Variants in GATD1 observed in about 807,000 individuals in gnomAD.
GATD1 encodes glutamine amidotransferase-like class 1 domain-containing protein 1.
GATD1 carries 23 observed loss-of-function variants against 25.9 expected under a neutral mutation model. That is an observed-to-expected ratio of 0.89 (90% CI 0.64 to 1.26). The LOEUF is 1.26. GATD1 is among the 50% of genes most tolerant of loss of function. GATD1 has a pLI of 0.00. For missense variants in GATD1, 347 were observed against 312.5 expected (o/e 1.11, Z -0.83); for synonymous variants, 177 against 134.6 (o/e 1.31, Z -2.18).
At chr11:776,442 G>A (rs555221550) in intron 1 of GATD1, among the ~76,000 whole-genome samples, 1 of 151,976 alleles carries the variant, frequency 6.6e-6, no homozygotes, top group Non-Finnish European at 1.5e-5. Context: ...AAGACCCCAC[G>A]TCCTCAACAT....
rs1183921400 is a variant in GATD1 at position 769,791 on chromosome 11, GTT to G, written c.*1104_*1105del. The G allele has an allele frequency of 4.4e-6, 2 of 458,432 alleles. No homozygotes were observed. The highest frequency in any genetic ancestry group is 1.3e-4 in the Admixed American group (2 of 15,526). 28.4% of individuals were successfully genotyped at this position (458,432 alleles called of 1,614,324 possible). On this transcript the variant is annotated 3_prime_UTR_variant, in exon 8 of 8. Coordinates refer to ENST00000319863, the MANE Select transcript of GATD1 (RefSeq NM_182612.4). ...TGCCAGGCTAACTTTTTGTATTTTT[GTT>G]TTTTAGTAGAGATGGGGTTTCACCA...
At position 771,441 on chromosome 11, in the gene GATD1, TG is replaced by T; in HGVS notation, c.451-16del. ...CACACAGAGGGCTGCGGGAGCGGGG[TG>T]GGGGCTCCTGAGACAGGCCCAGGCC... is the stretch of plus-strand genomic sequence containing the variant. On this transcript the variant is annotated splice_polypyrimidine_tract_variant and intron_variant, in intron 5 of 7. Coordinates refer to ENST00000319863, the MANE Select transcript of GATD1 (RefSeq NM_182612.4). The T allele has an allele frequency of 2.0e-6, 3 of 1,515,084 alleles. No individual in the cohort carries two copies. Among genetic ancestry groups the T allele is most frequent in the Non-Finnish European group, 8.8e-7 (1 of 1,136,844 alleles). 93.9% of individuals were successfully genotyped at this position (1,515,084 alleles called of 1,614,324 possible). A position where few individuals can be genotyped will look rare whatever the true frequency, so the allele number is the denominator to read the frequency against.
Position 770,525 on chromosome 11 carries a change from CCA to C in GATD1, c.*370_*371del. On this transcript the variant is annotated 3_prime_UTR_variant, in exon 8 of 8. Transcript: ENST00000319863. ...GCAGACAGGCCACAGCAGGGCAAACCCACACAGAGGACCCCCGAGCCGACTCT... is the reference window on the plus strand; with the variant it reads ...GCAGACAGGCCACAGCAGGGCAAACCCACAGAGGACCCCCGAGCCGACTCT... 1 of 1,419,676 alleles carries C rather than the reference CCA, an allele frequency of 7.0e-7. No individual in the cohort carries two copies. The highest frequency in any genetic ancestry group is 9.2e-7 in the Non-Finnish European group (1 of 1,088,846). 87.9% of individuals were successfully genotyped at this position (1,419,676 alleles called of 1,614,324 possible). A position where few individuals can be genotyped will look rare whatever the true frequency, so the allele number is the denominator to read the frequency against.
At chr11:776,471 T>C (rs1017322842) in intron 1 of GATD1, among the ~76,000 whole-genome samples, 6 of 151,920 alleles carry the variant, frequency 3.9e-5, no homozygotes, top group African/African-American at 1.5e-4. Context: ...TCCTCACGCC[T>C]ACCTGCTCTG....
At chr11:772,175 T>C (rs1863510483) in intron 5 of GATD1, among the ~76,000 whole-genome samples, 1 of 141,784 alleles carries the variant, frequency 7.1e-6, no homozygotes, top group Non-Finnish European at 1.5e-5. Flanking sequence ...GGCCAGAGGT[T>C]CGGGAGCCTC....
chr11:775,468 G>A (rs1554962204), intron 1 of GATD1, among the ~76,000 whole-genome samples: 1 of 152,226 alleles, frequency 6.6e-6, no homozygotes, highest in Non-Finnish European at 1.5e-5. Flanking sequence ...GAAGCTGGGA[G>A]AGGATGCAGC....
rs774755865 is a variant in GATD1 at position 771,552 on chromosome 11, A to T, written c.451-126T>A. 2.1e-6 allele frequency: 3 copies of T among 1,421,850 alleles called. No homozygotes were observed. In the South Asian group the frequency reaches 4.6e-5, roughly 22 times the overall value. 88.1% of individuals were successfully genotyped at this position (1,421,850 alleles called of 1,614,324 possible). A position where few individuals can be genotyped will look rare whatever the true frequency, so the allele number is the denominator to read the frequency against. ...AGTGGGACCGGGGGTGTCACTGCTC[A>T]TAACAGGGACAGCTGCTAAGGCTGG... is the stretch of plus-strand genomic sequence containing the variant. On this transcript the variant is annotated intron_variant, in intron 5 of 7. Coordinates refer to ENST00000319863, the MANE Select transcript of GATD1 (RefSeq NM_182612.4).
chr11:771,279 G>T (rs568533957), intron 6 of GATD1, 54 bp downstream of exon 6: 1 of 1,585,704 alleles, frequency 6.3e-7, no homozygotes, highest in Non-Finnish European at 8.6e-7. Context: ...GGCTGCAGCA[G>T]GGAAGCCCCC....
At chr11:771,914 T>A (rs1400563271) in intron 5 of GATD1, among the ~76,000 whole-genome samples, 1 of 152,088 alleles carries the variant, frequency 6.6e-6, no homozygotes, top group Non-Finnish European at 1.5e-5. Context: ...CCTGTTTAAC[T>A]TCCAGTGAAA....
chr11:772,545 G>A (rs767905166), intron 4 of GATD1, 24 bp from the exon 5 acceptor site: 3 of 1,601,510 alleles, frequency 1.9e-6, no homozygotes, highest in Admixed American at 1.7e-5. Flanking sequence ...ATGGCGTTGA[G>A]GCCCTGGACC....
At chr11:775,171 C>G (rs375556142) in intron 1 of GATD1, 29 bp from the exon 2 acceptor site, 1 of 1,575,654 alleles carries the variant, frequency 6.3e-7, no homozygotes, top group South Asian at 1.2e-5. Context: ...AGTGTGGGCT[C>G]GACAGGACTA....
rs758080539 is a variant in GATD1, at chr11:771,317, C to T, written c.544+16G>A. 6.2e-7 allele frequency: 1 copy of T among 1,604,366 alleles called. No individual in the cohort carries two copies. Among genetic ancestry groups the T allele is most frequent in the South Asian group, 1.1e-5 (1 of 89,880 alleles). The stretch of plus-strand genomic sequence containing the variant: ...CCCCATCTTCTGTAAGTGCAGGGGG[C>T]ACCCTCGAGGCTCACCACTGAAGCA... On this transcript the variant is annotated intron_variant, in intron 6 of 7. Transcript: ENST00000319863.
intron 4 of GATD1, among the ~76,000 whole-genome samples, chr11:772,978 G>A (rs1863598314): frequency 6.6e-6 from 1 of 152,220 alleles, no homozygotes; most frequent in Non-Finnish European, 1.5e-5. Flanking sequence ...GGCTCCATCC[G>A]AAAGGCTGAG....
rs747173940 is a variant in GATD1 at position 771,439 on chromosome 11, G to A, written c.451-13C>T. 4.0e-6 allele frequency: 6 copies of A among 1,518,196 alleles called. No homozygotes were observed. Among genetic ancestry groups the A allele is most frequent in the Non-Finnish European group, 4.4e-6 (5 of 1,137,818 alleles). 94.0% of individuals were successfully genotyped at this position (1,518,196 alleles called of 1,614,324 possible). On this transcript the variant is annotated splice_polypyrimidine_tract_variant and intron_variant, in intron 5 of 7. Transcript: ENST00000319863. The stretch of plus-strand genomic sequence containing the variant: ...CACACACAGAGGGCTGCGGGAGCGG[G>A]GTGGGGGCTCCTGAGACAGGCCCAG...
intron 4 of GATD1, 43 bp downstream of exon 4, chr11:773,479 A>G: frequency 4.0e-6 from 6 of 1,501,448 alleles, no homozygotes; most frequent in Non-Finnish European, 4.6e-6. Flanking sequence ...TTCTTGTGAC[A>G]CTGCACATCC....
intron 2 of GATD1, among the ~76,000 whole-genome samples, chr11:774,494 TCTC>T (rs1863769879): frequency 3.3e-5 from 5 of 152,324 alleles, no homozygotes; most frequent in Admixed American, 3.3e-4. Context: ...TGCGCCTTGG[TCTC>T]CTCCTCACAC....
rs1863434839 is a variant in GATD1, at chr11:771,417, A to G, written c.460T>C (p.Cys154Arg). ...AAGCCGGGGGCCCTGACGAGCTCAC[A>G]CACAGAGGGCTGCGGGAGCGGGGTG... is the stretch of plus-strand genomic sequence containing the variant. ...DSYSLTGPSVCELVRAPGFAR... is the reference protein window; with the variant it reads ...DSYSLTGPSVRELVRAPGFAR... Residue 154 changes from cysteine to arginine, a missense_variant, in exon 6 of 8, where the codon TGT becomes CGT. Transcript: ENST00000319863. 6.5e-7 allele frequency: 1 copy of G among 1,541,040 alleles called. No individual in the cohort carries two copies. The highest frequency in any genetic ancestry group is 8.7e-7 in the Non-Finnish European group (1 of 1,147,370).
rs1221155332 is a variant in GATD1, at chr11:773,959, C to G, written c.247+49G>C. 3.2e-6 allele frequency: 5 copies of G among 1,554,412 alleles called. No homozygotes were observed. The Admixed American group carries it at 6.7e-5, about 21-fold the overall frequency. On this transcript the variant is annotated intron_variant, in intron 3 of 7. Transcript: ENST00000319863. Reference sequence around the variant, plus strand: ...CCAAACCTATCTGGAACCCTTGACCCTCCAAGGTCCCAGGCACCCCACCCC... The same window carrying G: ...CCAAACCTATCTGGAACCCTTGACCGTCCAAGGTCCCAGGCACCCCACCCC...
chr11:770,493 G>A lies in GATD1; in HGVS notation c.*404C>T, dbSNP rs2133608750. 6.9e-7 allele frequency: 1 copy of A among 1,440,328 alleles called. No homozygotes were observed. Among genetic ancestry groups the A allele is most frequent in the South Asian group, 1.4e-5 (1 of 69,778 alleles). 89.2% of individuals were successfully genotyped at this position (1,440,328 alleles called of 1,614,324 possible). ...GCCCCCACCAACAGTGAAAGAGGTG[G>A]TGGGTGGCAGACAGGCCACAGCAGG... is the stretch of plus-strand genomic sequence containing the variant. On this transcript the variant is annotated 3_prime_UTR_variant, in exon 8 of 8. Coordinates refer to ENST00000319863, the MANE Select transcript of GATD1 (RefSeq NM_182612.4).
Sources: gnomAD v4.1 joint callset for allele counts (sites outside exome capture counted in the v4.1 genomes callset) on GRCh38, gnomAD v4.1.1 for gene constraint, MANE v1.5 for transcripts, NCBI Gene and HGNC (gene_info 2026-07-23, HGNC 2026-07-21) for gene names.